HDAC4: variants seen among roughly 807,000 people sequenced by gnomAD.
The protein encoded by HDAC4 is histone deacetylase 4.
In HDAC4, 16 loss-of-function variants were observed where a neutral mutation model predicts 135.1. The ratio of observed to expected loss-of-function variants is 0.12; its 90% CI spans 0.08 to 0.18. The LOEUF is 0.18. HDAC4 is among the 10% of genes least tolerant of loss of function. The pLI is 1.00. For synonymous variants in HDAC4, 685 were observed against 653.4 expected (o/e 1.05, Z -0.74); for missense variants, 1,143 against 1,511.8 (o/e 0.76, Z 4.05).
chr2:239,304,395 G>A (rs1448036043), intron 2 of HDAC4, among the ~76,000 whole-genome samples: 1 of 152,180 alleles, frequency 6.6e-6, no homozygotes, highest in African/African-American at 2.4e-5. Context: ...CCAGGTGGTG[G>A]CATGGTGTTA....
intron 17 of HDAC4, among the ~76,000 whole-genome samples, chr2:239,092,342 G>A (rs529799870): frequency 9.7e-4 from 148 of 152,266 alleles, no homozygotes; most frequent in African/African-American, 3.4e-3. Context: ...CAGCAGAGGC[G>A]GGGTCCCAGA....
chr2:239,126,501 C>T lies in HDAC4; in HGVS notation c.1488G>A (p.Glu496=). ...GCTGCTGGAACTGCTGCTTGTGTTT[C>T]TCCAGAAACTGCTGATGCTGCTGCT... is the stretch of plus-strand genomic sequence containing the variant. ...VIQQQHQQFL[E]KHKQQFQQQQ... Residue 496 remains glutamate (E), a synonymous_variant, in exon 12 of 27, where the codon GAG becomes GAA. Transcript: ENST00000543185. 1 of 1,613,654 alleles carries T rather than the reference C, an allele frequency of 6.2e-7. No individual in the cohort carries two copies. The highest frequency in any genetic ancestry group is 8.5e-7 in the Non-Finnish European group (1 of 1,179,830).
At chr2:239,234,206 A>G (rs1559263397) in intron 3 of HDAC4, among the ~76,000 whole-genome samples, 1 of 152,200 alleles carries the variant, frequency 6.6e-6, no homozygotes. Context: ...ACATGCATGC[A>G]TGCTTTCTCT....
rs185715766 is a variant in HDAC4, at chr2:239,141,388, C to T, written c.866-1592G>A. Among the ~76,000 whole-genome samples, 65 of 152,284 alleles carry T rather than the reference C, an allele frequency of 4.3e-4. No homozygotes were observed. Among genetic ancestry groups the T allele is most frequent in the African/African-American group, 1.5e-3 (64 of 41,566 alleles). On this transcript the variant is annotated intron_variant, in intron 8 of 26. Coordinates refer to ENST00000543185, the MANE Select transcript of HDAC4 (RefSeq NM_001378414.1). The surrounding 1 kb of genome is among the most constrained non-coding windows in gnomAD (Gnocchi z 4.9). ...CTGTCCTGGGCATTGAGCATGAATA[C>T]AGGACTGGGTCCCGACCCTACCCCA...
At chr2:239,193,678 C>T (rs3828224) in intron 3 of HDAC4, among the ~76,000 whole-genome samples, 1 of 152,202 alleles carries the variant, frequency 6.6e-6, no homozygotes, top group East Asian at 1.9e-4. Flanking sequence ...CAGCCAAGAG[C>T]GCGAGGGGAA....
At chr2:239,186,108 G>T (rs2153033402) in intron 4 of HDAC4, among the ~76,000 whole-genome samples, 1 of 152,162 alleles carries the variant, frequency 6.6e-6, no homozygotes, top group South Asian at 2.1e-4. Context: ...CTTCTTGGTG[G>T]AAAAGCACCA....
chr2:239,076,605 G>A lies in HDAC4; in HGVS notation c.2750+4490C>T, dbSNP rs910371451. On this transcript the variant is annotated intron_variant, in intron 22 of 26. Transcript: ENST00000543185. ...TGCAGTCCTGTGGCCACCCACAGCC[G>A]GCAAGCCTCTGGGGACTCCGTGGGA... Among the ~76,000 whole-genome samples, 9 of 152,156 alleles carry A rather than the reference G, an allele frequency of 5.9e-5. No individual in the cohort carries two copies. The South Asian group carries it at 6.2e-4, about 11-fold the overall frequency.
chr2:239,259,529 T>C (rs1434974593), intron 2 of HDAC4, among the ~76,000 whole-genome samples: 1 of 152,172 alleles, frequency 6.6e-6, no homozygotes, highest in African/African-American at 2.4e-5. Flanking sequence ...GTAATAAAAA[T>C]AGCACACATT....
chr2:239,139,845 G>T lies in HDAC4; in HGVS notation c.866-49C>A. ...TGAGTGTTACTCCATGCGGAGGGAG[G>T]GCCGTGCTGACCTGTGGCCCGAATG... On this transcript the variant is annotated intron_variant, in intron 8 of 26. Transcript: ENST00000543185. The surrounding 1 kb of genome is among the most constrained non-coding windows in gnomAD (Gnocchi z 5.3). 6.5e-7 allele frequency: 1 copy of T among 1,536,148 alleles called. No homozygotes were observed. Among genetic ancestry groups the T allele is most frequent in the South Asian group, 1.1e-5 (1 of 89,544 alleles).
chr2:239,376,088 C>T (rs1263233637), intron 1 of HDAC4, among the ~76,000 whole-genome samples: 3 of 152,160 alleles, frequency 2.0e-5, no homozygotes, highest in Non-Finnish European at 2.9e-5. Flanking sequence ...AAGGCAGGTG[C>T]TGTGTGCTCA....
chr2:239,388,389 G>A (rs867901690), intron 1 of HDAC4, among the ~76,000 whole-genome samples: 2 of 152,232 alleles, frequency 1.3e-5, no homozygotes, highest in Non-Finnish European at 2.9e-5. Flanking sequence ...GGCAGATGCG[G>A]TCAGTGCGGC....
In HDAC4 at chr2:239,303,362, C is replaced by G. The variant is rs1204643801; in HGVS notation, c.22+49316G>C. 6.6e-6 allele frequency among the ~76,000 whole-genome samples: 1 copy of G among 152,228 alleles called. No individual in the cohort carries two copies. Among genetic ancestry groups the G allele is most frequent in the African/African-American group, 2.4e-5 (1 of 41,458 alleles). Reference sequence around the variant, plus strand: ...ATGCCTGGTTCCTCTGCCATCAAGACCCGCCGTCTGGTGTGAAGGGAAACG... The same window carrying G: ...ATGCCTGGTTCCTCTGCCATCAAGAGCCGCCGTCTGGTGTGAAGGGAAACG... On this transcript the variant is annotated intron_variant, in intron 2 of 26. Coordinates refer to ENST00000543185, the MANE Select transcript of HDAC4 (RefSeq NM_001378414.1). The surrounding 1 kb of genome is among the most constrained non-coding windows in gnomAD (Gnocchi z 5.1).
At chr2:239,358,145 T>C (rs994006720) in intron 1 of HDAC4, among the ~76,000 whole-genome samples, 4 of 152,172 alleles carry the variant, frequency 2.6e-5, no homozygotes, top group Admixed American at 2.0e-4. Flanking sequence ...GATGTTTGCC[T>C]AGTGGTGACA....
In HDAC4 at chr2:239,150,190, T is replaced by G. The variant is rs188773532; in HGVS notation, c.734-5476A>C. ...TTGTTAACAAGACAACTCAGATACA[T>G]ACAGAAACACAGGTACACACACAGA... On this transcript the variant is annotated intron_variant, in intron 7 of 26. Transcript: ENST00000543185. 5.2e-4 allele frequency among the ~76,000 whole-genome samples: 79 copies of G among 152,090 alleles called. 1 individual carries two copies. The highest frequency in any genetic ancestry group is 1.8e-3 in the African/African-American group (73 of 41,472).
intron 2 of HDAC4, among the ~76,000 whole-genome samples, chr2:239,324,967 T>C (rs958969479): frequency 7.2e-5 from 11 of 152,312 alleles, no homozygotes; most frequent in Admixed American, 7.2e-4. Context: ...CTAAGACACA[T>C]GCTCTCTTAC....
rs1204739124 is a variant in HDAC4, at chr2:239,313,781, T to A, written c.22+38897A>T. ...ACGTCTAATTATACTCAGGGCTGAG[T>A]TGGCTGAAGAGTGAGGAATATACTC... On this transcript the variant is annotated intron_variant, in intron 2 of 26. Transcript: ENST00000543185. The surrounding 1 kb of genome is among the most constrained non-coding windows in gnomAD (Gnocchi z 5.1). Among the ~76,000 whole-genome samples the A allele has an allele frequency of 1.3e-5, 2 of 152,078 alleles. No individual in the cohort carries two copies. Among genetic ancestry groups the A allele is most frequent in the Non-Finnish European group, 2.9e-5 (2 of 68,006 alleles).
At chr2:239,098,873 A>C (rs2037358561) in intron 16 of HDAC4, among the ~76,000 whole-genome samples, 1 of 152,220 alleles carries the variant, frequency 6.6e-6, no homozygotes, top group Non-Finnish European at 1.5e-5. Context: ...TTGAGTTGTG[A>C]GAAGGTAATG....
chr2:239,270,202 T>C (rs1012158275), intron 2 of HDAC4, among the ~76,000 whole-genome samples: 3 of 152,202 alleles, frequency 2.0e-5, no homozygotes, highest in African/African-American at 7.2e-5. Context: ...CTGGAGCAGC[T>C]GTGTGGACCC....
At chr2:239,108,546 G>A (rs566756636) in intron 14 of HDAC4, among the ~76,000 whole-genome samples, 1 of 152,284 alleles carries the variant, frequency 6.6e-6, no homozygotes, top group South Asian at 2.1e-4. Flanking sequence ...CTCTATGTGG[G>A]ACTTGTGCTG....
Sources: allele counts gnomAD v4.1 joint callset (sites outside exome capture counted in the v4.1 genomes callset), GRCh38; gene constraint gnomAD v4.1.1; non-coding constraint Gnocchi (gnomAD v3.1); transcripts MANE v1.5; gene names NCBI Gene and HGNC (gene_info 2026-07-23, HGNC 2026-07-21).